The following NELL1 variants were observed in gnomAD, a reference collection of about 807,000 sequenced individuals.
NELL1 encodes protein kinase C-binding protein NELL1.
NELL1 carries 76 observed loss-of-function variants against 107.4 expected under a neutral mutation model. The observed-to-expected ratio is 0.71, with a 90% confidence interval of 0.59 to 0.86. The LOEUF (loss-of-function observed/expected upper bound fraction) is 0.86. Ranked by LOEUF, NELL1 falls within the 40% of genes least tolerant of loss-of-function variation. The pLI is 0.00. For synonymous variants in NELL1, 353 were observed against 341.2 expected (o/e 1.03, Z -0.38); for missense variants, 1,024 against 1,005.5 (o/e 1.02, Z -0.25).
intron 13 of NELL1, among the ~76,000 whole-genome samples, chr11:21,157,961 T>C (rs1590690250): frequency 2.0e-5 from 3 of 152,166 alleles, no homozygotes. Flanking sequence ...CCAAAGGAAA[T>C]TAGCATTTGA....
At chr11:21,490,590 G>T (rs55779443) in intron 15 of NELL1, among the ~76,000 whole-genome samples, 1 of 151,618 alleles carries the variant, frequency 6.6e-6, no homozygotes, top group Non-Finnish European at 1.5e-5. Flanking sequence ...TGGTTTTGTT[G>T]TAAACACAGA....
At chr11:21,019,315 G>A (rs1447166823) in intron 12 of NELL1, among the ~76,000 whole-genome samples, 2 of 152,026 alleles carry the variant, frequency 1.3e-5, no homozygotes, top group African/African-American at 4.8e-5. Flanking sequence ...CCCAAGCAGT[G>A]AATAAAACAC....
At chr11:20,761,303 G>C (rs1205155858) in intron 2 of NELL1, among the ~76,000 whole-genome samples, 1 of 152,152 alleles carries the variant, frequency 6.6e-6, no homozygotes, top group African/African-American at 2.4e-5. Flanking sequence ...CTTAAGACTT[G>C]TTCTAGTGGA....
chr11:20,941,535 T>G (rs1850855607), intron 10 of NELL1, among the ~76,000 whole-genome samples: 1 of 132,234 alleles, frequency 7.6e-6, no homozygotes, highest in Non-Finnish European at 1.7e-5. Context: ...TACATGATAT[T>G]TTTTTTTCTC....
intron 14 of NELL1, among the ~76,000 whole-genome samples, chr11:21,277,086 G>T (rs1199314998): frequency 5.3e-5 from 8 of 151,384 alleles, no homozygotes; most frequent in Admixed American, 2.6e-4. Flanking sequence ...CACAGCAAAA[G>T]AAACTACCAT....
intron 15 of NELL1, among the ~76,000 whole-genome samples, chr11:21,379,636 G>A (rs985797461): frequency 2.6e-5 from 4 of 151,974 alleles, no homozygotes; most frequent in Admixed American, 6.6e-5. Context: ...AAAATAAAGA[G>A]AACATAACAG....
At chr11:21,073,319 A>G (rs1854059426) in intron 12 of NELL1, among the ~76,000 whole-genome samples, 1 of 152,114 alleles carries the variant, frequency 6.6e-6, no homozygotes, top group Non-Finnish European at 1.5e-5. Flanking sequence ...ACGTTCCAGG[A>G]TGGCTTGGGT....
intron 12 of NELL1, among the ~76,000 whole-genome samples, chr11:20,983,106 T>C (rs35335510): frequency 0.047 from 7,183 of 152,292 alleles, 220 homozygotes; most frequent in Middle Eastern, 0.2. Flanking sequence ...CTGTGGCAAG[T>C]TATTGAGCCT....
chr11:21,254,887 T>C (rs148457724), intron 14 of NELL1, among the ~76,000 whole-genome samples: 1 of 152,220 alleles, frequency 6.6e-6, no homozygotes, highest in African/African-American at 2.4e-5. Context: ...TGAGAGCAGC[T>C]GAGCAAGCCC....
chr11:21,573,528 A>C, intron 19 of NELL1, 119 bp downstream of exon 19: 2 of 851,986 alleles, frequency 2.3e-6, no homozygotes, highest in Non-Finnish European at 3.8e-6. Context: ...AAACTCTGGC[A>C]TACATTTACT....
At chr11:21,216,157 C>T (rs1857608191) in intron 13 of NELL1, among the ~76,000 whole-genome samples, 2 of 152,180 alleles carry the variant, frequency 1.3e-5, no homozygotes, top group African/African-American at 4.8e-5. Context: ...CTAAATTTGA[C>T]AGCTTCCATG....
At chr11:20,855,932 T>C (rs1848874745) in intron 4 of NELL1, among the ~76,000 whole-genome samples, 1 of 152,224 alleles carries the variant, frequency 6.6e-6, no homozygotes, top group Non-Finnish European at 1.5e-5. Context: ...TCCAGATAGA[T>C]CAGGGATGCT....
At chr11:20,951,112 G>C (rs1175366402) in intron 11 of NELL1, among the ~76,000 whole-genome samples, 1 of 152,150 alleles carries the variant, frequency 6.6e-6, no homozygotes, top group Non-Finnish European at 1.5e-5. Context: ...CCTAGACTGG[G>C]AATTTGAGAA....
chr11:21,409,903 G>C (rs1316961381), intron 15 of NELL1, among the ~76,000 whole-genome samples: 1 of 151,798 alleles, frequency 6.6e-6, no homozygotes, highest in East Asian at 1.9e-4. Flanking sequence ...ATGAAAGAAT[G>C]CAAGAAATAA....
At chr11:21,419,393 T>C (rs1447104375) in intron 15 of NELL1, among the ~76,000 whole-genome samples, 1 of 152,162 alleles carries the variant, frequency 6.6e-6, no homozygotes, top group Non-Finnish European at 1.5e-5. Context: ...CACATTTTTG[T>C]GTAATAATGC....
At chr11:21,066,533 C>T (rs554843667) in intron 12 of NELL1, among the ~76,000 whole-genome samples, 2 of 152,286 alleles carry the variant, frequency 1.3e-5, no homozygotes, top group Admixed American at 6.5e-5. Context: ...ATTTATTTCT[C>T]TCTGTGTTCA....
intron 13 of NELL1, among the ~76,000 whole-genome samples, chr11:21,220,456 C>G (rs1565117054): frequency 6.6e-6 from 1 of 152,138 alleles, no homozygotes; most frequent in Middle Eastern, 3.2e-3. Context: ...CTGTAGATCA[C>G]TTTGAAGAGT....
At chr11:21,087,387 GAAA>G (rs61212226) in intron 12 of NELL1, among the ~76,000 whole-genome samples, 1 of 148,492 alleles carries the variant, frequency 6.7e-6, no homozygotes, top group South Asian at 2.1e-4. Context: ...GATCTGAAAA[GAAA>G]AAAAAAAATA....
intron 12 of NELL1, among the ~76,000 whole-genome samples, chr11:21,097,511 A>G (rs544957624): frequency 1.3e-5 from 2 of 152,018 alleles, no homozygotes; most frequent in East Asian, 3.9e-4. Context: ...CTACTTGTAC[A>G]TATTTTCCTA....
Sources: allele counts gnomAD v4.1 joint callset (sites outside exome capture counted in the v4.1 genomes callset), GRCh38; gene constraint gnomAD v4.1.1; transcripts MANE v1.5; gene names NCBI Gene and HGNC (gene_info 2026-07-23, HGNC 2026-07-21).